FRMD5: variants seen among roughly 807,000 people sequenced by gnomAD.
The protein encoded by FRMD5 is FERM domain containing 5, also known as FERM domain-containing protein 5.
FRMD5 carries 20 observed loss-of-function variants against 69.0 expected under a neutral mutation model. The observed-to-expected ratio is 0.29, with a 90% confidence interval of 0.20 to 0.42. FRMD5 has a LOEUF of 0.42. Among genes scored for constraint, FRMD5 ranks in the 10% least tolerant of loss-of-function variants. The pLI is 1.00. For synonymous variants in FRMD5, 271 were observed against 260.1 expected (o/e 1.04, Z -0.40); for missense variants, 595 against 708.6 (o/e 0.84, Z 1.82).
intron 1 of FRMD5, among the ~76,000 whole-genome samples, chr15:43,993,224 C>T (rs946185137): frequency 2.0e-5 from 3 of 152,056 alleles, no homozygotes; most frequent in Non-Finnish European, 2.9e-5. Flanking sequence ...GATGGAGTCT[C>T]ATTCTGTTGC....
chr15:44,016,460 C>A (rs1271236080), intron 1 of FRMD5, among the ~76,000 whole-genome samples: 1 of 152,182 alleles, frequency 6.6e-6, no homozygotes. Context: ...CAGTGGTTCA[C>A]AACTGTAATC....
At chr15:44,009,423 TA>T (rs928144939) in intron 1 of FRMD5, among the ~76,000 whole-genome samples, 10 of 152,364 alleles carry the variant, frequency 6.6e-5, no homozygotes, top group Admixed American at 5.9e-4. Flanking sequence ...CTCATGCCTC[TA>T]ATCCCAGCAC....
intron 4 of FRMD5, among the ~76,000 whole-genome samples, chr15:43,916,951 T>C (rs559597889): frequency 1.3e-5 from 2 of 152,128 alleles, no homozygotes; most frequent in African/African-American, 4.8e-5. Flanking sequence ...GCTAATATTT[T>C]GTCTTTTTAG....
intron 9 of FRMD5, 71 bp downstream of exon 9, chr15:43,888,738 G>A: frequency 7.4e-7 from 1 of 1,353,546 alleles, no homozygotes; most frequent in Non-Finnish European, 1.1e-6. Flanking sequence ...GGTCCCTCAA[G>A]CTTGGCTCTG....
chr15:43,905,134 CCTT>C (rs1311625311), intron 6 of FRMD5, among the ~76,000 whole-genome samples: 1 of 149,180 alleles, frequency 6.7e-6, no homozygotes, highest in Non-Finnish European at 1.5e-5. Context: ...CTCAACCTCT[CCTT>C]TTTTTTTTTT....
chr15:44,162,802 G>C (rs2077639669), intron 1 of FRMD5, among the ~76,000 whole-genome samples: 1 of 150,468 alleles, frequency 6.6e-6, no homozygotes, highest in Non-Finnish European at 1.5e-5. Context: ...GGGAGGCAGA[G>C]GTTGCGGTGA....
At chr15:43,971,808 G>A (rs2090384023) in intron 1 of FRMD5, among the ~76,000 whole-genome samples, 1 of 150,242 alleles carries the variant, frequency 6.7e-6, no homozygotes, top group East Asian at 2.0e-4. Context: ...CCGGGTTCAA[G>A]CGATTCTCCT....
intron 1 of FRMD5, among the ~76,000 whole-genome samples, chr15:44,085,310 A>C (rs1894152094): frequency 6.6e-6 from 1 of 152,154 alleles, no homozygotes; most frequent in Non-Finnish European, 1.5e-5. Flanking sequence ...TTAGACAAGA[A>C]ATATAAAAAA....
intron 1 of FRMD5, among the ~76,000 whole-genome samples, chr15:44,026,939 T>A (rs1891454861): frequency 6.6e-6 from 1 of 152,206 alleles, no homozygotes; most frequent in South Asian, 2.1e-4. Context: ...AATAAACAGG[T>A]GTATTCACCA....
chr15:43,920,484 A>C lies in FRMD5; in HGVS notation c.208-675T>G, dbSNP rs547162822. ...GTACCTTCTTCCCCTTGGATTTTTCAAGGAGGCAGGACATAGAGGCAGAAT... is the reference window on the plus strand; with the variant it reads ...GTACCTTCTTCCCCTTGGATTTTTCCAGGAGGCAGGACATAGAGGCAGAAT... On this transcript the variant is annotated intron_variant, in intron 2 of 13. Transcript: ENST00000417257. Among the ~76,000 whole-genome samples, 8 of 152,332 alleles carry C rather than the reference A, an allele frequency of 5.3e-5. No homozygotes were observed. In the East Asian group the frequency reaches 1.3e-3, roughly 26 times the overall value.
At chr15:44,194,264 C>T (rs1008456782) in intron 1 of FRMD5, 1 of 152,372 alleles carries the variant, frequency 6.6e-6, no homozygotes, top group African/African-American at 2.4e-5. Flanking sequence ...CCGATTCTTC[C>T]TGGCCACTTC....
intron 1 of FRMD5, among the ~76,000 whole-genome samples, chr15:44,031,988 T>C (rs1394313659): frequency 6.6e-6 from 1 of 152,122 alleles, no homozygotes. Context: ...AGCATAGTAC[T>C]GGTACTAAAA....
intron 1 of FRMD5, among the ~76,000 whole-genome samples, chr15:44,039,018 T>A (rs919697676): frequency 6.6e-6 from 1 of 152,126 alleles, no homozygotes; most frequent in African/African-American, 2.4e-5. Flanking sequence ...CATCCACCAT[T>A]GCTAAGGATG....
intron 1 of FRMD5, among the ~76,000 whole-genome samples, chr15:44,086,461 G>A (rs889486070): frequency 1.3e-5 from 2 of 152,100 alleles, no homozygotes; most frequent in Non-Finnish European, 2.9e-5. Flanking sequence ...GATGCCAAAG[G>A]CCACATATTA....
At chr15:43,993,308 T>G (rs1449143673) in intron 1 of FRMD5, among the ~76,000 whole-genome samples, 1 of 152,208 alleles carries the variant, frequency 6.6e-6, no homozygotes, top group African/African-American at 2.4e-5. Context: ...TTCTCCTGCC[T>G]CAGCCTCCCG....
At chr15:44,143,352 T>G (rs2077301933) in intron 1 of FRMD5, among the ~76,000 whole-genome samples, 1 of 152,048 alleles carries the variant, frequency 6.6e-6, no homozygotes, top group African/African-American at 2.4e-5. Context: ...CTTACTTCTA[T>G]CTGGTTCTCT....
chr15:44,197,083 C>G (rs1411538919), upstream of FRMD5, among the ~76,000 whole-genome samples: 9 of 152,048 alleles, frequency 5.9e-5, no homozygotes, highest in African/African-American at 2.2e-4. Flanking sequence ...CGCCCGTGGT[C>G]CCAGCTACTG....
chr15:44,021,308 C>T (rs1257422295), intron 1 of FRMD5, among the ~76,000 whole-genome samples: 2 of 152,088 alleles, frequency 1.3e-5, no homozygotes, highest in Admixed American at 6.6e-5. Flanking sequence ...GTTTTTAGTT[C>T]ATATAGTTTA....
chr15:44,154,327 AAAAC>A (rs2077493130), intron 1 of FRMD5, among the ~76,000 whole-genome samples: 2 of 152,144 alleles, frequency 1.3e-5, no homozygotes, highest in Non-Finnish European at 2.9e-5. Context: ...TACAAAAACA[AAAAC>A]AAACAAAGAA....
Sources: allele counts gnomAD v4.1 joint callset (sites outside exome capture counted in the v4.1 genomes callset), GRCh38; gene constraint gnomAD v4.1.1; transcripts MANE v1.5; gene names NCBI Gene and HGNC (gene_info 2026-07-23, HGNC 2026-07-21).